ZNF827: variants seen among roughly 807,000 people sequenced by gnomAD.
The protein encoded by ZNF827 is zinc finger protein 827.
A neutral mutation model predicts 102.4 loss-of-function variants in ZNF827; 13 were observed. That is an observed-to-expected ratio of 0.13 (90% CI 0.08 to 0.20). The LOEUF (loss-of-function observed/expected upper bound fraction) is 0.20, where lower values mean the gene tolerates loss of function less well. ZNF827 is among the 10% of genes least tolerant of loss of function. The pLI is 1.00. For synonymous variants in ZNF827, 523 were observed against 536.2 expected, an observed-to-expected ratio of 0.98 and a Z score of 0.34; for missense variants, 1,103 against 1,344.4, an observed-to-expected ratio of 0.82 and a Z score of 2.81.
At chr4:145,829,983 G>A (rs1744048509) in intron 7 of ZNF827, among the ~76,000 whole-genome samples, 1 of 152,204 alleles carries the variant, frequency 6.6e-6, no homozygotes, top group South Asian at 2.1e-4. Context: ...GAAGCAGTTA[G>A]TTGAGAAAAT....
At chr4:145,791,998 T>A (rs1429278025) in intron 8 of ZNF827, among the ~76,000 whole-genome samples, 1 of 152,212 alleles carries the variant, frequency 6.6e-6, no homozygotes, top group South Asian at 2.1e-4. Context: ...ATGGGATGTG[T>A]CATTCCTCTT....
At position 145,760,259 on chromosome 4, in the gene ZNF827, C is replaced by T. The variant is rs1352202560; in HGVS notation, c.*1357G>A. 2.0e-5 allele frequency: 3 copies of T among 152,210 alleles called. No individual in the cohort carries two copies. Among genetic ancestry groups the T allele is most frequent in the Admixed American group, 2.0e-4 (3 of 15,276 alleles). The allele number at this position is 152,210 out of a possible 1,614,324, so 9.4% of individuals were successfully genotyped here. A position where few individuals can be genotyped will look rare whatever the true frequency, so the allele number is the denominator to read the frequency against. On this transcript the variant is annotated 3_prime_UTR_variant, in exon 15 of 15. Coordinates refer to ENST00000508784, the MANE Select transcript of ZNF827 (RefSeq NM_001306215.2). Reference sequence around the variant, plus strand: ...ATGAACAACCCAGGAGGGAAAAGAACGTTCATCGCTGTTAAAGAAGCCAGT... The same window carrying T: ...ATGAACAACCCAGGAGGGAAAAGAATGTTCATCGCTGTTAAAGAAGCCAGT...
chr4:145,777,670 T>C (rs1737325927), intron 9 of ZNF827, among the ~76,000 whole-genome samples: 1 of 152,228 alleles, frequency 6.6e-6, no homozygotes, highest in African/African-American at 2.4e-5. Context: ...TTCATTTTCT[T>C]AATCAGGCTT....
chr4:145,875,874 C>A (rs1579445975), intron 4 of ZNF827, among the ~76,000 whole-genome samples: 1 of 152,116 alleles, frequency 6.6e-6, no homozygotes, highest in African/African-American at 2.4e-5. Flanking sequence ...GGGGTTCCAA[C>A]AAATGTTTGT....
chr4:145,773,730 G>C (rs930713033), intron 11 of ZNF827, among the ~76,000 whole-genome samples: 2 of 152,212 alleles, frequency 1.3e-5, no homozygotes, highest in African/African-American at 4.8e-5. Context: ...GTGAAGCCTT[G>C]GCCATGGCCT....
rs541126135 is a variant in ZNF827, at chr4:145,829,293, T to G, written c.2280-5768A>C. Among the ~76,000 whole-genome samples, 110 of 152,286 alleles carry G rather than the reference T, an allele frequency of 7.2e-4. 2 individuals are homozygous for G. The highest frequency in any genetic ancestry group is 5.6e-4 in the Non-Finnish European group (38 of 68,018). ...TCAGAAGGGACTAGATAGATCAGGG[T>G]GGCATGAAATTCTATTAAATGTAAG... On this transcript the variant is annotated intron_variant, in intron 7 of 14. Coordinates refer to ENST00000508784, the MANE Select transcript of ZNF827 (RefSeq NM_001306215.2).
intron 8 of ZNF827, among the ~76,000 whole-genome samples, chr4:145,814,681 T>C (rs1405385594): frequency 1.3e-5 from 2 of 149,218 alleles, no homozygotes; most frequent in South Asian, 4.2e-4. Flanking sequence ...CCCAGCACTT[T>C]GGGAGGCCGA....
At chr4:145,890,664 C>T (rs1750520421) in intron 3 of ZNF827, among the ~76,000 whole-genome samples, 1 of 152,166 alleles carries the variant, frequency 6.6e-6, no homozygotes, top group African/African-American at 2.4e-5. Flanking sequence ...AACAAATTTT[C>T]ATTTTAAAGG....
intron 5 of ZNF827, among the ~76,000 whole-genome samples, chr4:145,859,371 G>A (rs6812427): frequency 3.3e-5 from 5 of 152,060 alleles, no homozygotes; most frequent in African/African-American, 9.7e-5. Flanking sequence ...AAGATAGGAG[G>A]AGTAATATAG....
intron 7 of ZNF827, among the ~76,000 whole-genome samples, chr4:145,833,340 G>A (rs897914424): frequency 6.6e-5 from 10 of 152,252 alleles, no homozygotes; most frequent in African/African-American, 1.9e-4. Context: ...CGCCAGTCAC[G>A]GACTGGGAAG....
intron 2 of ZNF827, among the ~76,000 whole-genome samples, chr4:145,897,307 C>A (rs551988859): frequency 5.8e-4 from 89 of 152,308 alleles, no homozygotes; most frequent in African/African-American, 2.1e-3. Context: ...ACAAATGTAA[C>A]TGTTTTGTAG....
intron 1 of ZNF827, chr4:145,907,193 T>C (rs1418869824): frequency 2.2e-6 from 1 of 456,566 alleles, no homozygotes; most frequent in South Asian, 1.5e-5. Context: ...AAGGATTTTC[T>C]CCCACTTTTT....
chr4:145,933,097 T>C (rs988114766), intron 1 of ZNF827, among the ~76,000 whole-genome samples: 10 of 152,336 alleles, frequency 6.6e-5, no homozygotes, highest in Admixed American at 5.2e-4. Flanking sequence ...TGCAGGTAAA[T>C]TAAAAATCAA....
chr4:145,779,432 C>T lies in ZNF827; in HGVS notation c.2463G>A (p.Val821=). Residue 821 remains valine (V), a synonymous_variant, in exon 9 of 15, where the codon GTG becomes GTA. Transcript: ENST00000508784. ...KFNDQLFPCD[V]CGKVFGRQQT... ...GCTGTCGGCCAAACACTTTCCCACACACGTCACAGGGAAAAAGCTGGTCAT... is the reference window on the plus strand; with the variant it reads ...GCTGTCGGCCAAACACTTTCCCACATACGTCACAGGGAAAAAGCTGGTCAT... The T allele has an allele frequency of 6.2e-7, 1 of 1,614,154 alleles. No individual in the cohort carries two copies. Among genetic ancestry groups the T allele is most frequent in the Non-Finnish European group, 8.5e-7 (1 of 1,179,982 alleles).
chr4:145,802,109 T>TAGAACTAAAG (rs1740968294), intron 8 of ZNF827, among the ~76,000 whole-genome samples: 1 of 152,206 alleles, frequency 6.6e-6, no homozygotes, highest in Non-Finnish European at 1.5e-5. Flanking sequence ...AAAGACTTGT[T>TAGAACTAAAG]TCAGATACTA....
chr4:145,812,497 ATATTTATTTATTTATTTATTTATT>A (rs71592421), intron 8 of ZNF827, among the ~76,000 whole-genome samples: 9 of 143,902 alleles, frequency 6.3e-5, no homozygotes, highest in African/African-American at 2.0e-4. Context: ...AAACCATTTT[ATATTTATTTATTTATTTATTTATT>A]TATTTATTTA....
intron 11 of ZNF827, among the ~76,000 whole-genome samples, chr4:145,768,021 T>C (rs1184943934): frequency 6.6e-6 from 1 of 152,232 alleles, no homozygotes; most frequent in Non-Finnish European, 1.5e-5. Flanking sequence ...AACTGTTTTG[T>C]AGGGTTTATA....
Position 145,843,147 on chromosome 4 carries a change from C to A in ZNF827, c.2279+2809G>T, listed in dbSNP as rs141777451. ...GCATAAAAATTTTATTCTATTCCACCTGAAGTAATAAGGCGAGAGGTAAAA... is the reference window on the plus strand; with the variant it reads ...GCATAAAAATTTTATTCTATTCCACATGAAGTAATAAGGCGAGAGGTAAAA... On this transcript the variant is annotated intron_variant, in intron 7 of 14. Coordinates refer to ENST00000508784, the MANE Select transcript of ZNF827 (RefSeq NM_001306215.2). 3.9e-4 allele frequency among the ~76,000 whole-genome samples: 58 copies of A among 150,416 alleles called. 1 individual carries two copies. The highest frequency in any genetic ancestry group is 7.8e-4 in the Non-Finnish European group (53 of 67,810).
rs116326365 is a variant in ZNF827 at position 145,836,950 on chromosome 4, C to T, written c.2279+9006G>A. Among the ~76,000 whole-genome samples the T allele has an allele frequency of 7.6e-3, 1,161 of 152,274 alleles. 9 individuals carry two copies. The highest frequency in any genetic ancestry group is 0.026 in the African/African-American group (1,088 of 41,528). On this transcript the variant is annotated intron_variant, in intron 7 of 14. Transcript: ENST00000508784. Reference sequence around the variant, plus strand: ...CTACACATCAAGCTCGAGGATTTGCCCCACCTAGTACTGGTAAATTAGCTT... The same window carrying T: ...CTACACATCAAGCTCGAGGATTTGCTCCACCTAGTACTGGTAAATTAGCTT...
Sources: allele counts gnomAD v4.1 joint callset (sites outside exome capture counted in the v4.1 genomes callset), GRCh38; gene constraint gnomAD v4.1.1; transcripts MANE v1.5; gene names NCBI Gene and HGNC (gene_info 2026-07-23, HGNC 2026-07-21).